The following AFAP1 variants were observed in gnomAD, a reference collection of about 807,000 sequenced individuals.
AFAP1 encodes actin filament associated protein 1.
In AFAP1, 75 loss-of-function variants were observed where a neutral mutation model predicts 93.9. The observed-to-expected ratio is 0.80, with a 90% CI of 0.66 to 0.97. The LOEUF (loss-of-function observed/expected upper bound fraction) is 0.97. AFAP1 is among the 50% of genes least tolerant of loss of function. The pLI is 0.00. For missense variants in AFAP1, 1,201 were observed against 1,050.8 expected (o/e 1.14, Z -1.98); for synonymous variants, 517 against 430.7 (o/e 1.20, Z -2.48).
At position 7,806,496 on chromosome 4, in the gene AFAP1, G is replaced by A. The variant is rs543476852; in HGVS notation, c.1054+3118C>T. 7.3e-4 allele frequency among the ~76,000 whole-genome samples: 111 copies of A among 152,298 alleles called. 2 individuals are homozygous for A. Among genetic ancestry groups the A allele is most frequent in the South Asian group, 2.5e-3 (12 of 4,816 alleles). On this transcript the variant is annotated intron_variant, in intron 9 of 17. Coordinates refer to ENST00000420658, the MANE Select transcript of AFAP1 (RefSeq NM_001134647.2). ...CTGGGAGCTCTGTCCTATGGGCTCA[G>A]CAGCACTGCACTTCCGGCCAGTCCA...
At position 7,939,699 on chromosome 4, in the gene AFAP1, T is replaced by C; in HGVS notation, c.-46A>G. ...AGCGCTCGCTCCTCGCCGCGGCGCC[T>C]GGGCCGACTGGAGCGCAGCTGAACA... On this transcript the variant is annotated 5_prime_UTR_variant, in exon 1 of 18. Coordinates refer to ENST00000420658, the MANE Select transcript of AFAP1 (RefSeq NM_001134647.2). The surrounding 1 kb of genome is among the most constrained non-coding windows in gnomAD (Gnocchi z 5.6). 1 of 414,810 alleles carries C rather than the reference T, an allele frequency of 2.4e-6. No individual in the cohort carries two copies. The highest frequency in any genetic ancestry group is 4.8e-6 in the Non-Finnish European group (1 of 209,706). The allele number at this position is 414,810 out of a possible 1,614,324, so 25.7% of individuals were successfully genotyped here.
At chr4:7,915,225 C>T (rs1720022340) in intron 1 of AFAP1, among the ~76,000 whole-genome samples, 1 of 76,314 alleles carries the variant, frequency 1.3e-5, no homozygotes, top group Admixed American at 1.5e-4. Flanking sequence ...CGTAAGAGTT[C>T]CCTTTTCTCC....
intron 4 of AFAP1, among the ~76,000 whole-genome samples, chr4:7,845,742 A>G (rs1713607571): frequency 6.6e-6 from 1 of 152,024 alleles, no homozygotes; most frequent in African/African-American, 2.4e-5. Context: ...ACACTCACCA[A>G]GCACCCCCTG....
intron 9 of AFAP1, 194 bp downstream of exon 9, chr4:7,809,420 C>T (rs1719816073): frequency 3.7e-6 from 2 of 542,170 alleles, no homozygotes; most frequent in African/African-American, 3.9e-5. Context: ...TCTAAAAGGC[C>T]TGCAAAGTCT....
rs907079728 is a variant in AFAP1 at position 7,762,289 on chromosome 4, C to G, written c.*1476G>C. The G allele has an allele frequency of 3.3e-5, 5 of 152,226 alleles. No homozygotes were observed. The highest frequency in any genetic ancestry group is 1.2e-4 in the African/African-American group (5 of 41,454). 9.4% of individuals were successfully genotyped at this position (152,226 alleles called of 1,614,324 possible). On this transcript the variant is annotated 3_prime_UTR_variant, in exon 18 of 18. Coordinates refer to ENST00000420658, the MANE Select transcript of AFAP1 (RefSeq NM_001134647.2). The stretch of plus-strand genomic sequence containing the variant: ...CAGTGTTTTCCCGCCATCTCTTCCT[C>G]TGTGTGAAAAAGGACATTCTGGACA...
chr4:7,793,162 ATT>A (rs1286026124), intron 11 of AFAP1, among the ~76,000 whole-genome samples: 4 of 118,896 alleles, frequency 3.4e-5, no homozygotes, highest in African/African-American at 9.6e-5. Flanking sequence ...TGACTGCAGC[ATT>A]TTTTTTTTTA....
At chr4:7,838,733 T>C (rs1560190602) in intron 5 of AFAP1, 30 bp from the exon 6 acceptor site, 2 of 1,604,360 alleles carry the variant, frequency 1.2e-6, no homozygotes, top group East Asian at 2.2e-5. Flanking sequence ...TCAACTGATA[T>C]TATAAGGGAG....
intron 11 of AFAP1, among the ~76,000 whole-genome samples, chr4:7,791,706 A>C (rs2149006164): frequency 6.6e-6 from 1 of 151,556 alleles, no homozygotes; most frequent in Non-Finnish European, 1.5e-5. Flanking sequence ...AAAAAAAATT[A>C]GCCAGGCATG....
At chr4:7,910,804 T>C (rs955731309) in intron 1 of AFAP1, among the ~76,000 whole-genome samples, 9 of 151,920 alleles carry the variant, frequency 5.9e-5, no homozygotes, top group Middle Eastern at 3.2e-3. Flanking sequence ...CTGCTGGAGG[T>C]GAGTATGTGA....
intron 1 of AFAP1, among the ~76,000 whole-genome samples, chr4:7,889,012 G>A (rs563287798): frequency 1.8e-4 from 28 of 151,844 alleles, no homozygotes; most frequent in Non-Finnish European, 3.1e-4. Flanking sequence ...GACTGGTCTC[G>A]AACTCCTGAC....
At chr4:7,847,806 T>G in intron 4 of AFAP1, among the ~76,000 whole-genome samples, 1 of 137,854 alleles carries the variant, frequency 7.3e-6, no homozygotes, top group African/African-American at 3.0e-5. Context: ...GGTGGGGCAT[T>G]GATTAGATAC....
intron 9 of AFAP1, among the ~76,000 whole-genome samples, chr4:7,802,636 ATTCTT>A (rs1240081195): frequency 7.5e-4 from 88 of 118,078 alleles, no homozygotes; most frequent in African/African-American, 2.5e-3. Flanking sequence ...CAATACATTT[ATTCTT>A]TTTTTTTTTT....
intron 1 of AFAP1, among the ~76,000 whole-genome samples, chr4:7,888,998 G>A (rs1718285611): frequency 6.6e-6 from 1 of 151,888 alleles, no homozygotes; most frequent in Non-Finnish European, 1.5e-5. Flanking sequence ...CACCATGTTG[G>A]CCAGACTGGT....
At chr4:7,790,209 C>G (rs750993054) in intron 11 of AFAP1, among the ~76,000 whole-genome samples, 4 of 152,216 alleles carry the variant, frequency 2.6e-5, no homozygotes, top group Non-Finnish European at 5.9e-5. Flanking sequence ...CACATCTCAT[C>G]TCTCTTAAGT....
At chr4:7,905,235 G>A (rs7685424) in intron 1 of AFAP1, among the ~76,000 whole-genome samples, 2 of 152,200 alleles carry the variant, frequency 1.3e-5, no homozygotes, top group African/African-American at 2.4e-5. Flanking sequence ...GAAATCAAGC[G>A]TGCCTCTCTC....
At position 7,838,539 on chromosome 4, in the gene AFAP1, G is replaced by A. The variant is rs529242972; in HGVS notation, c.711C>T (p.Ala237=). ...LVLAVQSKEQ[A]EQWLKVIKEA... ...GACAACCTACCTTCAGCCACTGCTC[G>A]GCCTGTTCCTTGCTCTGGACGGCGA... The change falls in exon 6 of 18, where the codon GCC becomes GCT. Residue 237 remains alanine, a synonymous_variant. Transcript: ENST00000420658. 60 of 1,613,678 alleles carry A rather than the reference G, an allele frequency of 3.7e-5. No homozygotes were observed. Among genetic ancestry groups the A allele is most frequent in the Middle Eastern group, 3.3e-4 (2 of 6,002 alleles).
intron 9 of AFAP1, among the ~76,000 whole-genome samples, chr4:7,803,673 G>T (rs564584329): frequency 6.6e-6 from 1 of 152,330 alleles, no homozygotes; most frequent in South Asian, 2.1e-4. Flanking sequence ...CCAACCACAG[G>T]GGACCTGGTC....
chr4:7,925,361 A>T (rs902270376), intron 1 of AFAP1, among the ~76,000 whole-genome samples: 2 of 152,200 alleles, frequency 1.3e-5, no homozygotes, highest in African/African-American at 4.8e-5. Flanking sequence ...GGAAAGATCA[A>T]GGGCCTTGAA....
chr4:7,779,589 C>T (rs1425286105), intron 13 of AFAP1, among the ~76,000 whole-genome samples: 3 of 152,240 alleles, frequency 2.0e-5, no homozygotes, highest in East Asian at 1.9e-4. Flanking sequence ...TCCACGCCCA[C>T]GCTTTTTTCC....
Sources: allele counts gnomAD v4.1 joint callset (sites outside exome capture counted in the v4.1 genomes callset), GRCh38; gene constraint gnomAD v4.1.1; non-coding constraint Gnocchi (gnomAD v3.1); transcripts MANE v1.5; gene names NCBI Gene and HGNC (gene_info 2026-07-23, HGNC 2026-07-21).